EBF1: variants seen among roughly 807,000 people sequenced by gnomAD.
EBF1 encodes the protein EBF transcription factor 1, also known as transcription factor COE1.
Under a neutral mutation model 68.4 loss-of-function variants are expected in EBF1, and 10 were observed. That is an observed-to-expected ratio of 0.15 (90% CI 0.09 to 0.25). EBF1 has a LOEUF of 0.25. Ranked by LOEUF, EBF1 falls within the 10% of genes least tolerant of loss-of-function variation. EBF1 has a pLI of 1.00. For synonymous variants in EBF1, 298 were observed against 299.8 expected (o/e 0.99, Z 0.06); for missense variants, 509 against 794.4 (o/e 0.64, Z 4.32).
chr5:158,978,241 G>T (rs1457104141), intron 6 of EBF1, among the ~76,000 whole-genome samples: 1 of 152,236 alleles, frequency 6.6e-6, no homozygotes, highest in African/African-American at 2.4e-5. Context: ...CCCGACATGC[G>T]GCCGCTGTGA....
chr5:158,792,472 C>A (rs1427513231), intron 9 of EBF1, among the ~76,000 whole-genome samples: 2 of 151,266 alleles, frequency 1.3e-5, no homozygotes, highest in South Asian at 2.1e-4. Flanking sequence ...GTTAAGCCAG[C>A]CTGATTTTCT....
At chr5:158,702,272 G>A (rs1756915435) in intron 15 of EBF1, among the ~76,000 whole-genome samples, 1 of 151,996 alleles carries the variant, frequency 6.6e-6, no homozygotes, top group Non-Finnish European at 1.5e-5. Context: ...AAGATTATGT[G>A]GGTGAGAGGG....
chr5:158,935,555 T>A (rs1253698647), intron 6 of EBF1, among the ~76,000 whole-genome samples: 6 of 152,096 alleles, frequency 3.9e-5, no homozygotes, highest in Non-Finnish European at 8.8e-5. Flanking sequence ...AGAAAACATA[T>A]GCAGAAGAAA....
intron 6 of EBF1, among the ~76,000 whole-genome samples, chr5:159,057,926 A>G (rs1318070002): frequency 1.3e-5 from 2 of 152,252 alleles, no homozygotes; most frequent in African/African-American, 4.8e-5. Flanking sequence ...AAAACTAAAA[A>G]GAGCTGAACC....
At chr5:158,911,290 T>C (rs1272947656) in intron 6 of EBF1, among the ~76,000 whole-genome samples, 2 of 152,220 alleles carry the variant, frequency 1.3e-5, no homozygotes, top group Non-Finnish European at 2.9e-5. Flanking sequence ...CTTGCTCATT[T>C]ACCTCTGTGA....
chr5:158,865,623 T>C (rs1177562026), intron 6 of EBF1, among the ~76,000 whole-genome samples: 1 of 152,194 alleles, frequency 6.6e-6, no homozygotes, highest in Non-Finnish European at 1.5e-5. Context: ...AAGATATATT[T>C]GTTGTGCCGT....
chr5:158,725,759 G>A (rs1372385515), intron 11 of EBF1, among the ~76,000 whole-genome samples: 1 of 152,210 alleles, frequency 6.6e-6, no homozygotes, highest in African/African-American at 2.4e-5. Flanking sequence ...AAACCCGGGT[G>A]AGAGATTCCG....
intron 6 of EBF1, among the ~76,000 whole-genome samples, chr5:158,906,322 A>AG (rs70987943): frequency 1.3e-5 from 2 of 151,264 alleles, no homozygotes; most frequent in Admixed American, 6.6e-5. Flanking sequence ...AAAAAAAAAA[A>AG]GCAAAGAGAC....
chr5:158,856,710 C>T (rs192270786), intron 6 of EBF1, among the ~76,000 whole-genome samples: 1 of 152,334 alleles, frequency 6.6e-6, no homozygotes, highest in Admixed American at 6.5e-5. Context: ...TGTCCCAGGG[C>T]ACCAGGTAAG....
intron 6 of EBF1, among the ~76,000 whole-genome samples, chr5:159,055,302 C>T (rs987230469): frequency 3.3e-5 from 5 of 152,092 alleles, no homozygotes; most frequent in Non-Finnish European, 7.4e-5. Context: ...GAGAGGTAAC[C>T]TTAAAGATCC....
Position 159,095,656 on chromosome 5 carries a change from A to G in EBF1, c.375T>C (p.Asp125=). 1 of 1,614,070 alleles carries G rather than the reference A, an allele frequency of 6.2e-7. No individual in the cohort carries two copies. Among genetic ancestry groups the G allele is most frequent in the Non-Finnish European group, 8.5e-7 (1 of 1,179,932 alleles). ...LYSNGIRTEQ[D]FYVRLIDSMT... ...TGGAGTCAATGAGGCGCACGTAGAA[A>G]TCCTGCTCCGTCCTTATCCCTAGGG... is the stretch of plus-strand genomic sequence containing the variant. Residue 125 remains aspartate (D), a synonymous_variant, in exon 4 of 16, where the codon GAT becomes GAC. Coordinates refer to ENST00000313708, the MANE Select transcript of EBF1 (RefSeq NM_024007.5).
At chr5:158,808,714 T>C (rs1782045358) in intron 8 of EBF1, among the ~76,000 whole-genome samples, 1 of 152,022 alleles carries the variant, frequency 6.6e-6, no homozygotes, top group Admixed American at 6.6e-5. Flanking sequence ...TGTGAGATGA[T>C]GACGAAGAGG....
At chr5:158,989,597 G>T (rs761719422) in intron 6 of EBF1, among the ~76,000 whole-genome samples, 1 of 152,118 alleles carries the variant, frequency 6.6e-6, no homozygotes, top group African/African-American at 2.4e-5. Context: ...TCCTCTGTTT[G>T]TGTGCAGCTC....
chr5:158,712,027 G>A, intron 14 of EBF1, 127 bp downstream of exon 14: 1 of 1,114,274 alleles, frequency 9.0e-7, no homozygotes, highest in Non-Finnish European at 1.3e-6. Flanking sequence ...TCACCCAGGG[G>A]AGTGCCTTAC....
intron 15 of EBF1, among the ~76,000 whole-genome samples, chr5:158,705,672 T>A (rs898676967): frequency 6.6e-6 from 1 of 152,188 alleles, no homozygotes; most frequent in Admixed American, 6.5e-5. Flanking sequence ...TGGCTTTCAG[T>A]TGATAACCAG....
chr5:158,833,628 A>G (rs1452928063), intron 7 of EBF1, among the ~76,000 whole-genome samples: 2 of 152,186 alleles, frequency 1.3e-5, no homozygotes, highest in Non-Finnish European at 2.9e-5. Flanking sequence ...TCCTTCTCCC[A>G]TCAGAGGACT....
At chr5:158,857,436 A>G (rs1280461864) in intron 6 of EBF1, among the ~76,000 whole-genome samples, 1 of 152,070 alleles carries the variant, frequency 6.6e-6, no homozygotes, top group Non-Finnish European at 1.5e-5. Flanking sequence ...CCCATTCACA[A>G]TGACATAAAT....
At chr5:158,970,790 G>T (rs894081037) in intron 6 of EBF1, among the ~76,000 whole-genome samples, 1 of 152,206 alleles carries the variant, frequency 6.6e-6, no homozygotes, top group African/African-American at 2.4e-5. Flanking sequence ...AGATACACAT[G>T]TGACTCTTGG....
chr5:159,098,234 A>C (rs777255364), intron 1 of EBF1, among the ~76,000 whole-genome samples: 2 of 152,264 alleles, frequency 1.3e-5, no homozygotes, highest in African/African-American at 2.4e-5. Context: ...ACTTGGGACC[A>C]GGAGCCTGGG....
Sources: gnomAD v4.1 joint callset for allele counts (sites outside exome capture counted in the v4.1 genomes callset) on GRCh38, gnomAD v4.1.1 for gene constraint, MANE v1.5 for transcripts, NCBI Gene and HGNC (gene_info 2026-07-23, HGNC 2026-07-21) for gene names.